CDH13: variants seen among roughly 807,000 people sequenced by gnomAD.
The protein encoded by CDH13 is cadherin-13.
Under a neutral mutation model 63.8 loss-of-function variants are expected in CDH13, and 24 were observed. The ratio of observed to expected loss-of-function variants is 0.38; its 90% CI spans 0.27 to 0.53. The LOEUF (loss-of-function observed/expected upper bound fraction) is 0.53, where lower values mean the gene tolerates loss of function less well. CDH13 is among the 20% of genes least tolerant of loss of function. The pLI is 0.85. For missense variants in CDH13, 1,049 were observed against 903.1 expected, an observed-to-expected ratio of 1.16 and a Z score of -2.07; for synonymous variants, 503 against 355.3, an observed-to-expected ratio of 1.42 and a Z score of -4.67.
intron 2 of CDH13, among the ~76,000 whole-genome samples, chr16:82,879,365 C>T (rs2151201188): frequency 6.6e-6 from 1 of 151,382 alleles, no homozygotes; most frequent in Non-Finnish European, 1.5e-5. Flanking sequence ...CCATTAATGT[C>T]ATCTGATCAT....
At chr16:83,612,831 ATTG>A (rs1277568864) in intron 8 of CDH13, among the ~76,000 whole-genome samples, 1 of 152,040 alleles carries the variant, frequency 6.6e-6, no homozygotes, top group Non-Finnish European at 1.5e-5. Context: ...CTTCTGAGAT[ATTG>A]TTGTTATGTT....
intron 5 of CDH13, among the ~76,000 whole-genome samples, chr16:83,325,590 CTT>C (rs1263032761): frequency 2.0e-5 from 3 of 152,168 alleles, no homozygotes; most frequent in Non-Finnish European, 2.9e-5. Flanking sequence ...TATTTTAATA[CTT>C]TATTCACAAA....
chr16:83,145,572 C>T (rs187316726), intron 4 of CDH13, among the ~76,000 whole-genome samples: 1 of 152,208 alleles, frequency 6.6e-6, no homozygotes, highest in Non-Finnish European at 1.5e-5. Context: ...AACAAACACG[C>T]CATCATTCAG....
At chr16:83,026,957 AG>A (rs1234516673) in intron 2 of CDH13, among the ~76,000 whole-genome samples, 3 of 152,162 alleles carry the variant, frequency 2.0e-5, no homozygotes, top group African/African-American at 7.2e-5. Flanking sequence ...CACGGGGTCC[AG>A]GGGCCAAGGG....
chr16:83,181,971 G>GC (rs1174858891), intron 4 of CDH13, among the ~76,000 whole-genome samples: 9 of 152,266 alleles, frequency 5.9e-5, no homozygotes, highest in Non-Finnish European at 1.0e-4. Flanking sequence ...TTAATTAGCT[G>GC]CACACAGAAG....
chr16:83,048,359 A>G (rs1433247106), intron 3 of CDH13, among the ~76,000 whole-genome samples: 1 of 152,216 alleles, frequency 6.6e-6, no homozygotes. Context: ...TCTGAAACAC[A>G]GGATGGGGGT....
At chr16:82,666,606 T>C (rs148589433) in intron 1 of CDH13, among the ~76,000 whole-genome samples, 6 of 152,256 alleles carry the variant, frequency 3.9e-5, no homozygotes, top group Non-Finnish European at 8.8e-5. Flanking sequence ...CTACTACTAT[T>C]TTTTTGGCCA....
At chr16:83,707,266 C>T (rs1305508753) in intron 10 of CDH13, among the ~76,000 whole-genome samples, 2 of 152,204 alleles carry the variant, frequency 1.3e-5, no homozygotes, top group Non-Finnish European at 2.9e-5. Context: ...ACTGCATGGT[C>T]CGTAACACTT....
chr16:83,301,625 G>C (rs889022173), intron 5 of CDH13, among the ~76,000 whole-genome samples: 1 of 152,118 alleles, frequency 6.6e-6, no homozygotes, highest in Non-Finnish European at 1.5e-5. Context: ...TAGGGAAGCC[G>C]TGTTCCTGGC....
chr16:83,444,123 C>A lies in CDH13; in HGVS notation c.782-42354C>A, dbSNP rs181845794. Among the ~76,000 whole-genome samples the A allele has an allele frequency of 2.4e-3, 338 of 143,662 alleles. 8 individuals carry two copies. Among genetic ancestry groups the A allele is most frequent in the African/African-American group, 7.8e-3 (316 of 40,278 alleles). The allele number at this position is 143,662 out of a possible 152,430, so 94.2% of individuals were successfully genotyped here. A position where few individuals can be genotyped will look rare whatever the true frequency, so the allele number is the denominator to read the frequency against. ...TTGATGATGGTGAAGATACCAATAG[C>A]AACAATGAAGATGTGGCTGCTGATG... On this transcript the variant is annotated intron_variant, in intron 6 of 13. Transcript: ENST00000567109.
Position 83,316,975 on chromosome 16 carries a change from A to C in CDH13, c.637-27887A>C, listed in dbSNP as rs866742699. 2.6e-5 allele frequency among the ~76,000 whole-genome samples: 4 copies of C among 152,320 alleles called. No homozygotes were observed. In the Middle Eastern group the frequency reaches 0.014, roughly 518 times the overall value. ...AACAAGCGGCTACCCATCTATGAGA[A>C]CATAGCAGAGGGGTTCCTAACCTGG... On this transcript the variant is annotated intron_variant, in intron 5 of 13. Transcript: ENST00000567109.
At chr16:82,785,528 G>C (rs950087705) in intron 1 of CDH13, among the ~76,000 whole-genome samples, 1 of 152,160 alleles carries the variant, frequency 6.6e-6, no homozygotes, top group Non-Finnish European at 1.5e-5. Flanking sequence ...AGAGGTACAA[G>C]ATAAATCACT....
At chr16:83,691,789 C>T (rs1037387384) in intron 10 of CDH13, among the ~76,000 whole-genome samples, 1 of 152,172 alleles carries the variant, frequency 6.6e-6, no homozygotes, top group Non-Finnish European at 1.5e-5. Flanking sequence ...CATGTCTGAT[C>T]CACTTCCCTA....
At chr16:83,125,893 G>A (rs55740221) in intron 4 of CDH13, among the ~76,000 whole-genome samples, 4,703 of 152,176 alleles carry the variant, frequency 0.031, 99 homozygotes, top group Non-Finnish European at 0.042. Flanking sequence ...AGGTCTACGC[G>A]TACCACTGGG....
intron 2 of CDH13, among the ~76,000 whole-genome samples, chr16:82,942,261 A>C (rs1288314193): frequency 6.6e-6 from 1 of 152,108 alleles, no homozygotes. Flanking sequence ...GCTGCCGCAA[A>C]ATGTATTGAG....
In CDH13 at chr16:82,741,375, C is replaced by G. The variant is rs528225049; in HGVS notation, c.45+114238C>G. 7.9e-5 allele frequency among the ~76,000 whole-genome samples: 12 copies of G among 152,326 alleles called. No homozygotes were observed. In the East Asian group the frequency reaches 1.9e-3, roughly 24 times the overall value. On this transcript the variant is annotated intron_variant, in intron 1 of 13. Transcript: ENST00000567109. The stretch of plus-strand genomic sequence containing the variant: ...TTTATTCGTCAGAGCCCAGCTCAAA[C>G]TTTACAACGTCTGCACATCCTTCAC...
chr16:83,092,226 T>C (rs2033948521), intron 3 of CDH13, among the ~76,000 whole-genome samples: 1 of 152,210 alleles, frequency 6.6e-6, no homozygotes, highest in Non-Finnish European at 1.5e-5. Flanking sequence ...AATTCTTCAA[T>C]AGAGAGCAGG....
At chr16:83,675,319 C>T (rs1031992683) in intron 9 of CDH13, among the ~76,000 whole-genome samples, 1 of 152,166 alleles carries the variant, frequency 6.6e-6, no homozygotes, top group Non-Finnish European at 1.5e-5. Flanking sequence ...TTAGTAGATC[C>T]CACCTTAGGC....
intron 7 of CDH13, among the ~76,000 whole-genome samples, chr16:83,548,183 A>C (rs1236770200): frequency 2.6e-5 from 4 of 151,976 alleles, no homozygotes; most frequent in Non-Finnish European, 4.4e-5. Context: ...GGGTGGGGAG[A>C]GGTAGACAGA....
Sources: gnomAD v4.1 joint callset for allele counts (sites outside exome capture counted in the v4.1 genomes callset) on GRCh38, gnomAD v4.1.1 for gene constraint, MANE v1.5 for transcripts, NCBI Gene and HGNC (gene_info 2026-07-23, HGNC 2026-07-21) for gene names.